Variants in TRIM66 observed in about 807,000 individuals in gnomAD.
TRIM66 encodes tripartite motif-containing protein 66.
In TRIM66, 99 loss-of-function variants were observed where a neutral mutation model predicts 148.2. The observed-to-expected ratio is 0.67, with a 90% CI of 0.57 to 0.79. The LOEUF (loss-of-function observed/expected upper bound fraction) is 0.79. Among genes scored for constraint, TRIM66 ranks in the 30% least tolerant of loss-of-function variants. The pLI is 0.00. For synonymous variants in TRIM66, 616 were observed against 635.9 expected (o/e 0.97, Z 0.47); for missense variants, 1,666 against 1,697.9 (o/e 0.98, Z 0.33).
chr11:8,642,017 C>G (rs1337555795), intron 13 of TRIM66, among the ~76,000 whole-genome samples: 1 of 152,150 alleles, frequency 6.6e-6, no homozygotes, highest in Non-Finnish European at 1.5e-5. Flanking sequence ...ATAAATTACC[C>G]AGTCTCAGGT....
intron 15 of TRIM66, among the ~76,000 whole-genome samples, chr11:8,637,173 A>G (rs2035950959): frequency 6.6e-6 from 1 of 152,118 alleles, no homozygotes; most frequent in South Asian, 2.1e-4. Flanking sequence ...GCACTTTACC[A>G]CAATTTATTA....
At chr11:8,671,649 C>T (rs770075196) in intron 6 of TRIM66, 137 bp downstream of exon 6, 157 of 607,384 alleles carry the variant, frequency 2.6e-4, no homozygotes, top group Non-Finnish European at 4.3e-4. Flanking sequence ...CAGATTCCCC[C>T]AAAGATTGCT....
chr11:8,675,041 G>T (rs1163712748), intron 3 of TRIM66, among the ~76,000 whole-genome samples, 158 bp from the exon 4 acceptor site: 1 of 152,190 alleles, frequency 6.6e-6, no homozygotes, highest in African/African-American at 2.4e-5. Context: ...AAAATCTGCT[G>T]ATCTTGCTCT....
chr11:8,625,101 T>G lies in TRIM66; in HGVS notation c.2438A>C (p.Gln813Pro). The G allele has an allele frequency of 6.4e-7, 1 of 1,551,622 alleles. No homozygotes were observed. Among genetic ancestry groups the G allele is most frequent in the Non-Finnish European group, 8.7e-7 (1 of 1,146,972 alleles). ...AGCACTCAGCAGGCTTGGTACTGCC[T>G]GGGGGGCACCAGCTGTCAGGTTGCT... Reference protein sequence around the residue: ...SVSNLTAGAPQAVPSLLSAPP... With the variant: ...SVSNLTAGAPPAVPSLLSAPP... Residue 813 changes from glutamine to proline, a missense_variant, in exon 16 of 25, where the codon CAG (glutamine) becomes CCG (proline). Physicochemically the swap from Gln to Pro is moderately conservative, Grantham distance 76. This residue lies in a region of TRIM66 where 1,431 missense variants were observed against 1,412.4 expected (regional missense o/e 1.01). Coordinates refer to ENST00000646038, the MANE Select transcript of TRIM66 (RefSeq NM_001388022.1).
intron 15 of TRIM66, among the ~76,000 whole-genome samples, chr11:8,625,541 TACACACACACACAGACACACACACAGAC>T (rs1462639815): frequency 7.4e-5 from 11 of 149,150 alleles, no homozygotes; most frequent in African/African-American, 2.7e-4. Context: ...CTGAGGCATG[TACACACACACACAGACACACACACAGAC>T]ACACACACAC....
chr11:8,630,805 C>CTATTTAATCCAT (rs1565494744), intron 15 of TRIM66, among the ~76,000 whole-genome samples: 1 of 152,134 alleles, frequency 6.6e-6, no homozygotes, highest in Non-Finnish European at 1.5e-5. Flanking sequence ...TTCAGTTAAC[C>CTATTTAATCCAT]TATTTAACCT....
intron 6 of TRIM66, among the ~76,000 whole-genome samples, chr11:8,661,382 G>T (rs963483608): frequency 6.6e-6 from 1 of 152,228 alleles, no homozygotes; most frequent in Non-Finnish European, 1.5e-5. Context: ...AAAAAGTACA[G>T]GTAGGATGAG....
At position 8,619,767 on chromosome 11, in the gene TRIM66, G is replaced by C. The variant is rs567689018; in HGVS notation, c.3748-232C>G. 1.2e-4 allele frequency among the ~76,000 whole-genome samples: 18 copies of C among 152,356 alleles called. No individual in the cohort carries two copies. The East Asian group carries it at 2.1e-3, about 18-fold the overall frequency. On this transcript the variant is annotated intron_variant, in intron 22 of 24. Transcript: ENST00000646038. ...GATCTGATACAGTAGCAGTTGTGGT[G>C]GGGGAGGCTGGAATGGCCATGGCCC...
intron 6 of TRIM66, among the ~76,000 whole-genome samples, chr11:8,663,919 A>C (rs900990042): frequency 1.3e-5 from 2 of 152,220 alleles, no homozygotes; most frequent in African/African-American, 4.8e-5. Flanking sequence ...AATCTAAAAA[A>C]ACTGATCTCA....
At chr11:8,659,896 G>A (rs1201166517) in intron 6 of TRIM66, among the ~76,000 whole-genome samples, 1 of 151,976 alleles carries the variant, frequency 6.6e-6, no homozygotes, top group African/African-American at 2.4e-5. Context: ...TGTTTGTTTT[G>A]AGACAGTGTT....
At chr11:8,627,594 AC>A (rs1306720332) in intron 15 of TRIM66, among the ~76,000 whole-genome samples, 3 of 152,164 alleles carry the variant, frequency 2.0e-5, no homozygotes, top group Non-Finnish European at 4.4e-5. Flanking sequence ...GTTGCTGCAG[AC>A]CTAGTTTTAC....
chr11:8,652,625 A>G (rs1229640569), intron 6 of TRIM66, among the ~76,000 whole-genome samples: 1 of 152,146 alleles, frequency 6.6e-6, no homozygotes, highest in African/African-American at 2.4e-5. Context: ...CTGGACTATA[A>G]AAGCAGCAGA....
chr11:8,655,260 A>G (rs1163097119), intron 6 of TRIM66, among the ~76,000 whole-genome samples: 12 of 152,216 alleles, frequency 7.9e-5, no homozygotes, highest in African/African-American at 2.9e-4. Flanking sequence ...CTGGAAAAAA[A>G]GCCAGTGCAG....
chr11:8,618,118 G>A lies in TRIM66; in HGVS notation c.4120-115C>T, dbSNP rs2033848127. On this transcript the variant is annotated intron_variant, in intron 24 of 24. Transcript: ENST00000646038. ...AGTCAACGTATTTTATTCTACCCTA[G>A]GAATGCAGCAGTAAAACTTACTGAA... 4 of 1,018,026 alleles carry A rather than the reference G, an allele frequency of 3.9e-6. No homozygotes were observed. In the Admixed American group the frequency reaches 8.2e-5, roughly 21 times the overall value. The allele number at this position is 1,018,026 out of a possible 1,614,324, so 63.1% of individuals were successfully genotyped here. A position where few individuals can be genotyped will look rare whatever the true frequency, so the allele number is the denominator to read the frequency against.
intron 6 of TRIM66, among the ~76,000 whole-genome samples, chr11:8,662,327 TA>T (rs1343811140): frequency 6.6e-6 from 1 of 152,214 alleles, no homozygotes; most frequent in Non-Finnish European, 1.5e-5. Context: ...AGCTGCTCAT[TA>T]AGATAAGTGT....
chr11:8,682,445 GACA>G lies in TRIM66; in HGVS notation c.-548+153_-548+155del, dbSNP rs538783687. 214 of 338,006 alleles carry G rather than the reference GACA, an allele frequency of 6.3e-4. 1 individual carries two copies. The highest frequency in any genetic ancestry group is 4.6e-3 in the African/African-American group (208 of 45,206). 20.9% of individuals were successfully genotyped at this position (338,006 alleles called of 1,614,324 possible). On this transcript the variant is annotated intron_variant, in intron 1 of 24. Coordinates refer to ENST00000646038, the MANE Select transcript of TRIM66 (RefSeq NM_001388022.1). ...GCTGGCGCATTTGGTGAGGAGCTCA[GACA>G]ACGAGGCCCTTAGGGTCGGCTTAGG...
In TRIM66 at chr11:8,622,836, T is replaced by C; in HGVS notation, c.3060A>G (p.Ala1020=). The change falls in exon 18 of 25, where the codon GCA becomes GCG. Residue 1020 remains alanine (A), a synonymous_variant. Coordinates refer to ENST00000646038, the MANE Select transcript of TRIM66 (RefSeq NM_001388022.1). ...GTTACCTGATGCTCTGGTTCTCTTT[T>C]GCATCCAGCTCTAGGGCTCCTTGTT... is the stretch of plus-strand genomic sequence containing the variant. The part of the protein sequence containing the change: ...NFEQGALELD[A]KENQSIRAFN... 6.4e-7 allele frequency: 1 copy of C among 1,552,042 alleles called. No individual in the cohort carries two copies.
intron 14 of TRIM66, among the ~76,000 whole-genome samples, chr11:8,639,016 G>C (rs2036142765): frequency 6.6e-6 from 1 of 152,172 alleles, no homozygotes; most frequent in South Asian, 2.1e-4. Flanking sequence ...AATGTCTTAG[G>C]ATGAAACCCA....
At position 8,672,120 on chromosome 11, in the gene TRIM66, G is replaced by A. The variant is rs186286656; in HGVS notation, c.28-22C>T. The A allele has an allele frequency of 1.5e-4, 222 of 1,529,588 alleles. 1 individual carries two copies. Among genetic ancestry groups the A allele is most frequent in the Non-Finnish European group, 1.4e-5 (16 of 1,143,960 alleles). 94.8% of individuals were successfully genotyped at this position (1,529,588 alleles called of 1,614,324 possible). A position where few individuals can be genotyped will look rare whatever the true frequency, so the allele number is the denominator to read the frequency against. On this transcript the variant is annotated intron_variant, in intron 5 of 24. Coordinates refer to ENST00000646038, the MANE Select transcript of TRIM66 (RefSeq NM_001388022.1). ...CTCCCTGTAAGTGAAGCACAAAGCA[G>A]AGTGATCTACTTATTTTGAGCAGAA...
Sources: gnomAD v4.1 joint callset for allele counts (sites outside exome capture counted in the v4.1 genomes callset) on GRCh38, gnomAD v4.1.1 for gene constraint, gnomAD v4.1.1 regional missense constraint, MANE v1.5 for transcripts, NCBI Gene and HGNC (gene_info 2026-07-23, HGNC 2026-07-21) for gene names.